Variants in RFX4 observed in about 807,000 individuals in gnomAD.
RFX4 encodes the protein transcription factor RFX4.
Under a neutral mutation model 95.0 loss-of-function variants are expected in RFX4, and 10 were observed. That is an observed-to-expected ratio of 0.11 (90% CI 0.06 to 0.18). The LOEUF is 0.18. RFX4 is among the 10% of genes least tolerant of loss of function. RFX4 has a pLI of 1.00. For synonymous variants in RFX4, 321 were observed against 340.7 expected, an observed-to-expected ratio of 0.94 and a Z score of 0.64; for missense variants, 640 against 922.0, an observed-to-expected ratio of 0.69 and a Z score of 3.96.
intron 16 of RFX4, among the ~76,000 whole-genome samples, chr12:106,749,714 G>A (rs1375727535): frequency 6.6e-6 from 1 of 152,144 alleles, no homozygotes; most frequent in Non-Finnish European, 1.5e-5. Flanking sequence ...TATGGAGTGT[G>A]TTCACACATA....
Position 106,586,806 on chromosome 12 carries a change from C to G in RFX4, c.43+3443C>G, listed in dbSNP as rs915504639. Among the ~76,000 whole-genome samples the G allele has an allele frequency of 2.0e-5, 3 of 152,242 alleles. No homozygotes were observed. The East Asian group carries it at 5.8e-4, about 29-fold the overall frequency. On this transcript the variant is annotated intron_variant, in intron 1 of 17. Transcript: ENST00000392842. The surrounding 1 kb of genome is among the most constrained non-coding windows in gnomAD (Gnocchi z 5.6). ...TCCAGTGGCCTTGGCGCCGTGCCCA[C>G]AAGGCAAAGTGCGTCCTGGAGGGAA...
intron 15 of RFX4, among the ~76,000 whole-genome samples, chr12:106,738,460 T>C (rs1319545819): frequency 6.6e-6 from 1 of 152,180 alleles, no homozygotes; most frequent in Non-Finnish European, 1.5e-5. Flanking sequence ...CCTCAAGTTA[T>C]GGCAGGTGTG....
intron 1 of RFX4, among the ~76,000 whole-genome samples, chr12:106,596,069 C>A (rs1391417555): frequency 2.0e-5 from 3 of 152,188 alleles, no homozygotes; most frequent in Admixed American, 6.5e-5. Flanking sequence ...ACTTCCAAGA[C>A]CTTTTCCCCC....
chr12:106,675,654 A>T (rs2041377964), intron 4 of RFX4, among the ~76,000 whole-genome samples: 1 of 152,226 alleles, frequency 6.6e-6, no homozygotes, highest in African/African-American at 2.4e-5. Flanking sequence ...TCTATGGATC[A>T]CATAACTACG....
In RFX4 at chr12:106,709,416, A is replaced by T. The variant is rs770914481; in HGVS notation, c.920A>T (p.Asn307Ile). The change falls in exon 9 of 18, where the codon AAC (asparagine) becomes ATC (isoleucine). Residue 307 changes from asparagine (N) to isoleucine (I), a missense_variant. Coordinates refer to ENST00000392842, the MANE Select transcript of RFX4 (RefSeq NM_213594.3). Reference sequence around the variant, plus strand: ...CACGACCTCCCAGAAAACTTGCGAAACATCAAGTTCGAATGTAAGTACTGA... The same window carrying T: ...CACGACCTCCCAGAAAACTTGCGAATCATCAAGTTCGAATGTAAGTACTGA... ...ALHDLPENLR[N>I]IKFELSRRFS... is the part of the protein sequence containing the mutation. 1 of 1,612,390 alleles carries T rather than the reference A, an allele frequency of 6.2e-7. No homozygotes were observed. Among genetic ancestry groups the T allele is most frequent in the Non-Finnish European group, 8.5e-7 (1 of 1,179,546 alleles).
At chr12:106,620,128 G>A (rs80053159) in intron 2 of RFX4, among the ~76,000 whole-genome samples, 1 of 152,002 alleles carries the variant, frequency 6.6e-6, no homozygotes, top group Non-Finnish European at 1.5e-5. Context: ...TTGGATTTCA[G>A]GTATTTTTGG....
intron 15 of RFX4, among the ~76,000 whole-genome samples, chr12:106,742,826 C>T (rs1295815156): frequency 3.3e-5 from 5 of 152,156 alleles, no homozygotes; most frequent in Non-Finnish European, 7.3e-5. Flanking sequence ...ATACTACTTA[C>T]CTCAAAAGGT....
rs562978256 is a variant in RFX4 at position 106,704,800 on chromosome 12, A to G, written c.834-4530A>G. ...ACAATTGGGTTAGCTATAGTAAGAA[A>G]GTGTGTGTGTATGCATGTGTGTGTG... is the stretch of plus-strand genomic sequence containing the variant. On this transcript the variant is annotated intron_variant, in intron 8 of 17. Transcript: ENST00000392842. 1.1e-3 allele frequency among the ~76,000 whole-genome samples: 161 copies of G among 151,982 alleles called. 1 individual carries two copies. Among genetic ancestry groups the G allele is most frequent in the East Asian group, 6.2e-3 (32 of 5,178 alleles).
intron 13 of RFX4, among the ~76,000 whole-genome samples, chr12:106,723,924 T>A (rs535370257): frequency 6.6e-6 from 1 of 152,218 alleles, no homozygotes; most frequent in African/African-American, 2.4e-5. Flanking sequence ...ATTGTTCCCA[T>A]GCTAAAGCTG....
At chr12:106,711,575 A>G (rs373418302) in intron 10 of RFX4, 64 bp downstream of exon 10, 1 of 1,368,166 alleles carries the variant, frequency 7.3e-7, no homozygotes, top group Non-Finnish European at 1.0e-6. Context: ...GGGCAAATCC[A>G]CAAAAACAAC....
chr12:106,635,851 A>T (rs915246834), intron 2 of RFX4, among the ~76,000 whole-genome samples: 2 of 152,186 alleles, frequency 1.3e-5, no homozygotes, highest in Non-Finnish European at 2.9e-5. Flanking sequence ...CTTTTCCCTC[A>T]GAGATATAAG....
chr12:106,689,503 T>C, intron 7 of RFX4, 139 bp downstream of exon 7: 1 of 695,132 alleles, frequency 1.4e-6, no homozygotes, highest in Non-Finnish European at 2.6e-6. Context: ...CACTTCATCC[T>C]CATGAGATCC....
At chr12:106,732,707 G>GTAAATAAATAAA (rs372246846) in intron 14 of RFX4, among the ~76,000 whole-genome samples, 1 of 151,594 alleles carries the variant, frequency 6.6e-6, no homozygotes, top group Admixed American at 6.6e-5. Flanking sequence ...CTCAAAATAA[G>GTAAATAAATAAA]TAAATAAATA....
chr12:106,629,387 G>C (rs571894896), intron 2 of RFX4, among the ~76,000 whole-genome samples: 4 of 152,310 alleles, frequency 2.6e-5, no homozygotes, highest in Admixed American at 6.5e-5. Flanking sequence ...ACCTGGGGCT[G>C]CTGGATAAAG....
chr12:106,721,027 T>C, intron 13 of RFX4, 151 bp downstream of exon 13: 2 of 687,648 alleles, frequency 2.9e-6, no homozygotes, highest in Non-Finnish European at 5.1e-6. Context: ...GTTAGGACTT[T>C]CAGGGAGAGA....
At position 106,720,175 on chromosome 12, in the gene RFX4, C is replaced by A; in HGVS notation, c.1233+121C>A. The A allele has an allele frequency of 1.2e-6, 1 of 804,364 alleles. No homozygotes were observed. Among genetic ancestry groups the A allele is most frequent in the Non-Finnish European group, 2.1e-6 (1 of 482,770 alleles). 49.8% of individuals were successfully genotyped at this position (804,364 alleles called of 1,614,324 possible). On this transcript the variant is annotated intron_variant, in intron 12 of 17. Coordinates refer to ENST00000392842, the MANE Select transcript of RFX4 (RefSeq NM_213594.3). This position sits in a 1 kb window ranked among gnomAD's most constrained non-coding sequence, Gnocchi z 4.2. ...CTGAACAGGGTTTTGAGGAGAGGCC[C>A]CAGGAGGTGGAGGGGTCAGGAGGCA...
intron 4 of RFX4, among the ~76,000 whole-genome samples, chr12:106,661,313 G>C (rs1211344383): frequency 6.6e-6 from 1 of 152,210 alleles, no homozygotes; most frequent in East Asian, 1.9e-4. Flanking sequence ...CCCTTTTCAT[G>C]GATTATCTCA....
At chr12:106,616,384 G>C (rs1333841383) in intron 2 of RFX4, among the ~76,000 whole-genome samples, 4 of 151,994 alleles carry the variant, frequency 2.6e-5, no homozygotes, top group Admixed American at 2.0e-4. Flanking sequence ...ATTTTGTTAA[G>C]GATTTTGGCA....
chr12:106,668,270 G>GA (rs201276841), intron 4 of RFX4, among the ~76,000 whole-genome samples: 1,669 of 152,122 alleles, frequency 0.011, 22 homozygotes, highest in African/African-American at 0.038. Context: ...GAAAGAAGTA[G>GA]AAAAAAATGG....
Sources: allele counts gnomAD v4.1 joint callset (sites outside exome capture counted in the v4.1 genomes callset), GRCh38; gene constraint gnomAD v4.1.1; non-coding constraint Gnocchi (gnomAD v3.1); transcripts MANE v1.5; gene names NCBI Gene and HGNC (gene_info 2026-07-23, HGNC 2026-07-21).